The following ATOSA variants were observed in gnomAD, a reference collection of about 807,000 sequenced individuals.
ATOSA encodes the protein atos homolog A.
the ATOSA span, chr15:52,611,389 T>C: frequency 1.6e-5 from 20 of 1,267,750 alleles, no homozygotes; most frequent in Middle Eastern, 2.0e-4. Flanking sequence ...ACACTTACGA[T>C]GTCACTTGAA....
chr15:52,629,570 G>T, the ATOSA span: 1 of 386,814 alleles, frequency 2.6e-6, no homozygotes, highest in Non-Finnish European at 5.2e-6. Context: ...TTGGCAGGCT[G>T]AGGAGGGCAC....
chr15:52,620,022 C>T, the ATOSA span, among the ~76,000 whole-genome samples: 1 of 152,060 alleles, frequency 6.6e-6, no homozygotes, highest in Admixed American at 6.6e-5. Flanking sequence ...TGTGCTTGCA[C>T]CAGGTTGTCT....
chr15:52,608,795 C>A, the ATOSA span: 1 of 1,602,674 alleles, frequency 6.2e-7, no homozygotes, highest in South Asian at 1.1e-5. Flanking sequence ...CTTTTTGAGT[C>A]TTTATTTGAG....
chr15:52,697,873 A>T, the ATOSA span, among the ~76,000 whole-genome samples: 2 of 151,910 alleles, frequency 1.3e-5, no homozygotes, highest in East Asian at 3.9e-4. Context: ...ACACAAATTA[A>T]AAATCACAAG....
the ATOSA span, among the ~76,000 whole-genome samples, chr15:52,704,013 C>G: frequency 6.6e-6 from 1 of 151,942 alleles, no homozygotes; most frequent in East Asian, 1.9e-4. Context: ...ATAGTATATA[C>G]TACCTTTTTA....
chr15:52,626,528 T>C, the ATOSA span, among the ~76,000 whole-genome samples: 1 of 22,490 alleles, frequency 4.4e-5, no homozygotes, highest in Non-Finnish European at 1.2e-4. Context: ...AAGGGAAAGC[T>C]GAAAAAAAAA....
chr15:52,622,960 TATAAATAAATAAATAAATAA>T, the ATOSA span, among the ~76,000 whole-genome samples: 2,852 of 136,156 alleles, frequency 0.021, 83 homozygotes, highest in East Asian at 0.063. Context: ...CTGTCCCTAT[TATAAATAAATAAATAAATAA>T]ATAAATAAAT....
chr15:52,652,282 G>C, the ATOSA span, among the ~76,000 whole-genome samples: 2 of 152,188 alleles, frequency 1.3e-5, no homozygotes, highest in African/African-American at 4.8e-5. Flanking sequence ...CCTGAAATGT[G>C]TTTCTTCAGT....
the ATOSA span, among the ~76,000 whole-genome samples, chr15:52,663,555 T>C: frequency 6.6e-6 from 1 of 152,220 alleles, no homozygotes. Context: ...TACCTAATTG[T>C]TGCAAGATAA....
the ATOSA span, among the ~76,000 whole-genome samples, chr15:52,588,910 A>T: frequency 6.6e-6 from 1 of 152,238 alleles, no homozygotes; most frequent in Non-Finnish European, 1.5e-5. Context: ...AGCAAATATA[A>T]AACAGCACTG....
chr15:52,582,830 T>C, the ATOSA span, among the ~76,000 whole-genome samples: 1 of 152,206 alleles, frequency 6.6e-6, no homozygotes, highest in African/African-American at 2.4e-5. Context: ...AGAGAAAAGT[T>C]AGCAGTAAAA....
the ATOSA span, among the ~76,000 whole-genome samples, chr15:52,660,183 A>G: frequency 6.6e-6 from 1 of 152,222 alleles, no homozygotes; most frequent in Non-Finnish European, 1.5e-5. Context: ...TTTTTTATCA[A>G]GCATCTAATA....
the ATOSA span, among the ~76,000 whole-genome samples, chr15:52,708,306 G>T: frequency 6.6e-6 from 1 of 152,036 alleles, no homozygotes; most frequent in Non-Finnish European, 1.5e-5. Flanking sequence ...AAGCACTTTT[G>T]GATCTAGCCC....
the ATOSA span, among the ~76,000 whole-genome samples, chr15:52,619,104 T>C: frequency 6.6e-6 from 1 of 152,230 alleles, no homozygotes; most frequent in East Asian, 1.9e-4. Context: ...CAATGGTATT[T>C]TGAAACACAT....
chr15:52,602,893 G>A, the ATOSA span, among the ~76,000 whole-genome samples: 1 of 152,312 alleles, frequency 6.6e-6, no homozygotes, highest in South Asian at 2.1e-4. Context: ...TATCCTAGCG[G>A]ACCAAAATTT....
At chr15:52,644,657 T>C in the ATOSA span, among the ~76,000 whole-genome samples, 1 of 152,252 alleles carries the variant, frequency 6.6e-6, no homozygotes, top group African/African-American at 2.4e-5. Context: ...ACTATTACTT[T>C]ATTCTTCTCT....
At chr15:52,644,141 T>C in the ATOSA span, among the ~76,000 whole-genome samples, 1 of 152,050 alleles carries the variant, frequency 6.6e-6, no homozygotes, top group African/African-American at 2.4e-5. Flanking sequence ...CAGGCTGGTT[T>C]TGAACTCCTG....
chr15:52,610,165 T>C, the ATOSA span: 2 of 1,614,018 alleles, frequency 1.2e-6, no homozygotes, highest in African/African-American at 2.7e-5. Flanking sequence ...TGGGTTATGG[T>C]GCTGATGAGT....
chr15:52,632,717 GA>G, the ATOSA span, among the ~76,000 whole-genome samples: 25 of 152,150 alleles, frequency 1.6e-4, no homozygotes, highest in Non-Finnish European at 3.4e-4. Context: ...CATATGGTCA[GA>G]AGACATTCTT....
Sources: gnomAD v4.1 joint callset for allele counts (sites outside exome capture counted in the v4.1 genomes callset) on GRCh38, gnomAD v4.1.1 for gene constraint, MANE v1.5 for transcripts, NCBI Gene and HGNC (gene_info 2026-07-23, HGNC 2026-07-21) for gene names.